Variants in SLC35F1 observed in about 807,000 individuals in gnomAD.
SLC35F1 encodes the protein chromosome 6 open reading frame 169.
Under a neutral mutation model 48.7 loss-of-function variants are expected in SLC35F1, and 14 were observed. The ratio of observed to expected loss-of-function variants is 0.29; its 90% CI spans 0.19 to 0.45. The LOEUF is 0.45. Among genes scored for constraint, SLC35F1 ranks in the 20% least tolerant of loss-of-function variants. The probability of loss-of-function intolerance (pLI) is 1.00; values close to 1 mark genes in which losing one functional copy is unlikely to be tolerated. For synonymous variants in SLC35F1, 190 were observed against 202.2 expected (o/e 0.94, Z 0.51); for missense variants, 404 against 500.0 (o/e 0.81, Z 1.83).
chr6:118,013,280 T>A (rs1477792866), intron 1 of SLC35F1, among the ~76,000 whole-genome samples: 1 of 152,144 alleles, frequency 6.6e-6, no homozygotes, highest in Non-Finnish European at 1.5e-5. Context: ...CAGTTTTCTG[T>A]GTATATGACA....
intron 4 of SLC35F1, among the ~76,000 whole-genome samples, chr6:118,268,638 C>T (rs1433667523): frequency 8.3e-6 from 1 of 120,176 alleles, no homozygotes; most frequent in African/African-American, 3.1e-5. Context: ...GAGACAGAGT[C>T]CCGCTCTGTT....
chr6:118,058,847 A>T (rs1007840880), intron 1 of SLC35F1, among the ~76,000 whole-genome samples: 1 of 152,220 alleles, frequency 6.6e-6, no homozygotes, highest in Non-Finnish European at 1.5e-5. Context: ...TACAATCTGG[A>T]GAAATTTGCT....
At chr6:118,264,740 T>C (rs1313002813) in intron 3 of SLC35F1, among the ~76,000 whole-genome samples, 1 of 152,244 alleles carries the variant, frequency 6.6e-6, no homozygotes, top group African/African-American at 2.4e-5. Flanking sequence ...TTCAACTTGA[T>C]TCAATCATTT....
chr6:118,134,449 A>G (rs1243942672), intron 1 of SLC35F1, among the ~76,000 whole-genome samples: 2 of 152,250 alleles, frequency 1.3e-5, no homozygotes, highest in Non-Finnish European at 2.9e-5. Flanking sequence ...CATAAGAGCC[A>G]GGAGAAATAT....
chr6:117,940,583 G>T (rs982903612), intron 1 of SLC35F1, among the ~76,000 whole-genome samples: 1 of 152,044 alleles, frequency 6.6e-6, no homozygotes, highest in African/African-American at 2.4e-5. Flanking sequence ...CCAAGACATG[G>T]AATCAACCTG....
rs766930401 is a variant in SLC35F1, at chr6:117,907,709, G to T, written c.-18G>T. 6.8e-7 allele frequency: 1 copy of T among 1,462,806 alleles called. No individual in the cohort carries two copies. Among genetic ancestry groups the T allele is most frequent in the South Asian group, 1.2e-5 (1 of 82,672 alleles). The allele number at this position is 1,462,806 out of a possible 1,614,324, so 90.6% of individuals were successfully genotyped here. Reference sequence around the variant, plus strand: ...CCGGCTGCGTTCTGATCGCCGCCGCGCCTCAGCCTCTGCCGCGATGATCCC... The same window carrying T: ...CCGGCTGCGTTCTGATCGCCGCCGCTCCTCAGCCTCTGCCGCGATGATCCC... On this transcript the variant is annotated 5_prime_UTR_variant, in exon 1 of 8. Coordinates refer to ENST00000360388, the MANE Select transcript of SLC35F1 (RefSeq NM_001029858.4).
intron 2 of SLC35F1, among the ~76,000 whole-genome samples, chr6:118,227,166 G>A (rs773083234): frequency 4.9e-4 from 75 of 152,162 alleles, no homozygotes; most frequent in Non-Finnish European, 9.4e-4. Flanking sequence ...TATCTGAGAA[G>A]GCTGCTTTCT....
intron 1 of SLC35F1, among the ~76,000 whole-genome samples, chr6:117,978,951 G>C (rs933799096): frequency 2.0e-4 from 30 of 152,016 alleles, no homozygotes; most frequent in Non-Finnish European, 8.8e-5. Context: ...CTTTCCTTTG[G>C]GGGCATGTGG....
chr6:118,073,927 AG>A (rs879775281), intron 1 of SLC35F1, among the ~76,000 whole-genome samples: 4 of 152,220 alleles, frequency 2.6e-5, no homozygotes, highest in Non-Finnish European at 5.9e-5. Flanking sequence ...ATTTAAGGAA[AG>A]AAATATGGCC....
chr6:117,981,341 T>C (rs1776778997), intron 1 of SLC35F1, among the ~76,000 whole-genome samples: 1 of 152,154 alleles, frequency 6.6e-6, no homozygotes, highest in African/African-American at 2.4e-5. Context: ...GAAGCTATGG[T>C]ACTGGAGGAG....
chr6:117,945,381 G>C (rs1055141156), intron 1 of SLC35F1, among the ~76,000 whole-genome samples: 1 of 152,148 alleles, frequency 6.6e-6, no homozygotes, highest in African/African-American at 2.4e-5. Flanking sequence ...TATTTATTCA[G>C]TACTTGCTAC....
intron 1 of SLC35F1, among the ~76,000 whole-genome samples, chr6:117,935,680 C>T (rs1197499602): frequency 6.6e-6 from 1 of 152,074 alleles, no homozygotes; most frequent in East Asian, 1.9e-4. Flanking sequence ...AAATCACCAA[C>T]AAAATGCACA....
At chr6:118,011,197 C>T (rs182651020) in intron 1 of SLC35F1, among the ~76,000 whole-genome samples, 187 of 152,170 alleles carry the variant, frequency 1.2e-3, no homozygotes, top group African/African-American at 4.2e-3. Context: ...ATAAGGAATG[C>T]GTTATTAGTC....
chr6:117,923,298 T>G (rs1775926160), intron 1 of SLC35F1, among the ~76,000 whole-genome samples: 1 of 152,152 alleles, frequency 6.6e-6, no homozygotes, highest in Non-Finnish European at 1.5e-5. Flanking sequence ...ATTCCGTGTG[T>G]GCTTGTGGCC....
chr6:118,103,499 G>A (rs1004231606), intron 1 of SLC35F1, among the ~76,000 whole-genome samples: 12 of 152,208 alleles, frequency 7.9e-5, no homozygotes, highest in African/African-American at 2.9e-4. Flanking sequence ...CCCACTGGAT[G>A]TGCCCACCTG....
chr6:118,286,883 C>T (rs1195589334), intron 7 of SLC35F1, among the ~76,000 whole-genome samples: 1 of 151,958 alleles, frequency 6.6e-6, no homozygotes, highest in Non-Finnish European at 1.5e-5. Context: ...TAACTATCAT[C>T]ACCATGCTGT....
chr6:118,066,740 C>CT (rs778659612), intron 1 of SLC35F1, among the ~76,000 whole-genome samples: 21,231 of 125,124 alleles, frequency 0.17, 1,985 homozygotes, highest in Non-Finnish European at 0.22. Flanking sequence ...GGCAGTAGTT[C>CT]TTTTTTTTTT....
chr6:118,050,566 C>A (rs1168372564), intron 1 of SLC35F1, among the ~76,000 whole-genome samples: 1 of 151,760 alleles, frequency 6.6e-6, no homozygotes, highest in Non-Finnish European at 1.5e-5. Context: ...ACTATCCAGG[C>A]AAAGCAAAAA....
chr6:117,957,452 C>T (rs1267966023), intron 1 of SLC35F1, among the ~76,000 whole-genome samples: 1 of 152,148 alleles, frequency 6.6e-6, no homozygotes, highest in East Asian at 1.9e-4. Flanking sequence ...ATCCAAAAAG[C>T]TTGAATTTTA....
Sources: gnomAD v4.1 joint callset for allele counts (sites outside exome capture counted in the v4.1 genomes callset) on GRCh38, gnomAD v4.1.1 for gene constraint, MANE v1.5 for transcripts, NCBI Gene and HGNC (gene_info 2026-07-23, HGNC 2026-07-21) for gene names.